NAALADL2: variants seen among roughly 807,000 people sequenced by gnomAD.
NAALADL2 encodes the protein inactive N-acetylated-alpha-linked acidic dipeptidase-like protein 2.
NAALADL2 carries 76 observed loss-of-function variants against 87.2 expected under a neutral mutation model. The observed-to-expected ratio is 0.87, with a 90% CI of 0.72 to 1.05. NAALADL2 has a LOEUF of 1.05. NAALADL2 is among the 50% of genes least tolerant of loss of function. The pLI is 0.00. For missense variants in NAALADL2, 1,089 were observed against 945.8 expected (o/e 1.15, Z -1.99); for synonymous variants, 354 against 331.0 (o/e 1.07, Z -0.75).
intron 3 of NAALADL2, among the ~76,000 whole-genome samples, chr3:174,848,436 C>A (rs1041028131): frequency 7.9e-5 from 12 of 152,054 alleles, no homozygotes; most frequent in African/African-American, 2.9e-4. Context: ...TTTTTGAAAT[C>A]ACTTAGAAGT....
intron 2 of NAALADL2, among the ~76,000 whole-genome samples, chr3:175,216,620 C>A (rs1430874869): frequency 2.7e-5 from 4 of 150,814 alleles, no homozygotes; most frequent in African/African-American, 9.7e-5. Flanking sequence ...AACATTCTCC[C>A]ATTCCAGCAG....
At chr3:175,177,512 A>G (rs1735858620) in intron 2 of NAALADL2, among the ~76,000 whole-genome samples, 1 of 152,108 alleles carries the variant, frequency 6.6e-6, no homozygotes, top group Admixed American at 6.6e-5. Context: ...AATTTGAAGA[A>G]TGGGTTGGCA....
intron 2 of NAALADL2, among the ~76,000 whole-genome samples, chr3:174,717,924 G>A (rs926448753): frequency 2.6e-5 from 4 of 152,018 alleles, no homozygotes; most frequent in East Asian, 1.9e-4. Context: ...TCAGGAGTTC[G>A]AGACTAGCCT....
At chr3:175,245,083 CT>C (rs1215456951) in intron 3 of NAALADL2, among the ~76,000 whole-genome samples, 2 of 151,946 alleles carry the variant, frequency 1.3e-5, no homozygotes, top group Non-Finnish European at 2.9e-5. Context: ...CTGTTTTCTC[CT>C]TTTTTTCTCC....
chr3:175,801,263 T>C (rs1414491106), intron 13 of NAALADL2, among the ~76,000 whole-genome samples: 4 of 152,080 alleles, frequency 2.6e-5, no homozygotes, highest in Non-Finnish European at 4.4e-5. Context: ...CAAAATGAAA[T>C]ATAATCACCT....
At chr3:174,649,633 C>T (rs1724154850) in intron 2 of NAALADL2, among the ~76,000 whole-genome samples, 1 of 151,942 alleles carries the variant, frequency 6.6e-6, no homozygotes. Context: ...TGAGTTAAAA[C>T]AAGTTTTCAT....
At chr3:174,876,094 C>T (rs928193077) in intron 1 of NAALADL2, among the ~76,000 whole-genome samples, 2 of 151,706 alleles carry the variant, frequency 1.3e-5, no homozygotes, top group African/African-American at 4.8e-5. Context: ...AGTGTATATT[C>T]GTTTTATGTG....
chr3:174,915,205 G>A (rs1355414400), intron 1 of NAALADL2, among the ~76,000 whole-genome samples: 2 of 152,078 alleles, frequency 1.3e-5, no homozygotes, highest in Non-Finnish European at 2.9e-5. Context: ...GAGTGTGGGT[G>A]GGGAGGTGCA....
intron 1 of NAALADL2, among the ~76,000 whole-genome samples, chr3:174,984,915 T>C (rs937631919): frequency 3.3e-5 from 5 of 152,162 alleles, no homozygotes; most frequent in Admixed American, 3.3e-4. Flanking sequence ...AACCCATCAA[T>C]AGGTTGTGAA....
intron 12 of NAALADL2, among the ~76,000 whole-genome samples, chr3:175,740,191 A>G (rs1046840177): frequency 6.6e-6 from 1 of 152,246 alleles, no homozygotes; most frequent in East Asian, 1.9e-4. Flanking sequence ...AAGAAGAGGA[A>G]GTAATCAACT....
Position 175,646,510 on chromosome 3 carries a change from T to G in NAALADL2, c.1896+19124T>G, listed in dbSNP as rs867365804. 6.6e-5 allele frequency among the ~76,000 whole-genome samples: 10 copies of G among 152,226 alleles called. No individual in the cohort carries two copies. The Middle Eastern group carries it at 0.01, about 155-fold the overall frequency. On this transcript the variant is annotated intron_variant, in intron 11 of 13. Coordinates refer to ENST00000454872, the MANE Select transcript of NAALADL2 (RefSeq NM_207015.3). ...TGCATGTAGTCATTTTTTTCTTTTT[T>G]ATGACAGCAATCTGTTGAAGAGACC...
At chr3:175,503,330 C>T (rs1321079427) in intron 9 of NAALADL2, among the ~76,000 whole-genome samples, 5 of 152,020 alleles carry the variant, frequency 3.3e-5, no homozygotes, top group Non-Finnish European at 7.4e-5. Context: ...AGTCTACCAC[C>T]GATGGGTATT....
intron 9 of NAALADL2, among the ~76,000 whole-genome samples, chr3:175,564,242 G>A (rs145589433): frequency 2.0e-5 from 3 of 152,018 alleles, no homozygotes; most frequent in East Asian, 3.9e-4. Flanking sequence ...TCACAGAGAG[G>A]ACAGCAAACT....
At position 175,809,451 on chromosome 3, in the gene NAALADL2, T is replaced by A. The variant is rs1754974451; in HGVS notation, c.*6248T>A. ...TTTCTAGAACACTGTGCAGGACTAA[T>A]TTTTTTTTAATAGACATCCAGAAAA... On this transcript the variant is annotated 3_prime_UTR_variant, in exon 14 of 14. Coordinates refer to ENST00000454872, the MANE Select transcript of NAALADL2 (RefSeq NM_207015.3). 1 of 80,860 alleles carries A rather than the reference T, an allele frequency of 1.2e-5. No individual in the cohort carries two copies. The highest frequency in any genetic ancestry group is 2.1e-5 in the Non-Finnish European group (1 of 46,976). The allele number at this position is 80,860 out of a possible 1,614,324, so 5.0% of individuals were successfully genotyped here.
chr3:174,894,611 A>C, intron 1 of NAALADL2, among the ~76,000 whole-genome samples: 1 of 34,530 alleles, frequency 2.9e-5, no homozygotes, highest in East Asian at 3.1e-3. Flanking sequence ...AAAAAAAAAA[A>C]AAAAAAAAAA....
At chr3:175,270,513 G>C (rs1471033000) in intron 4 of NAALADL2, among the ~76,000 whole-genome samples, 2 of 152,160 alleles carry the variant, frequency 1.3e-5, no homozygotes, top group African/African-American at 2.4e-5. Flanking sequence ...TGTTGAATTT[G>C]TTCCCAACCA....
At chr3:175,284,191 T>TTA (rs1165629321) in intron 4 of NAALADL2, among the ~76,000 whole-genome samples, 1 of 151,050 alleles carries the variant, frequency 6.6e-6, no homozygotes, top group Non-Finnish European at 1.5e-5. Context: ...ACTGTGTTTT[T>TTA]TTTTTTTTCT....
intron 12 of NAALADL2, among the ~76,000 whole-genome samples, chr3:175,740,780 C>T (rs1003638514): frequency 5.5e-4 from 84 of 152,308 alleles, no homozygotes; most frequent in African/African-American, 1.9e-3. Flanking sequence ...TCTGCTCTCT[C>T]TATGGAGTGG....
chr3:175,271,489 A>G (rs1219305550), intron 4 of NAALADL2, among the ~76,000 whole-genome samples: 1 of 152,146 alleles, frequency 6.6e-6, no homozygotes, highest in Non-Finnish European at 1.5e-5. Flanking sequence ...TGCAAAAGTT[A>G]AAGCTATAAA....
Sources: gnomAD v4.1 joint callset for allele counts (sites outside exome capture counted in the v4.1 genomes callset) on GRCh38, gnomAD v4.1.1 for gene constraint, MANE v1.5 for transcripts, NCBI Gene and HGNC (gene_info 2026-07-23, HGNC 2026-07-21) for gene names.